The following CNTN5 variants were observed in gnomAD, a reference collection of about 807,000 sequenced individuals.
CNTN5 encodes contactin 5, also known as contactin-5.
Under a neutral mutation model 129.1 loss-of-function variants are expected in CNTN5, and 77 were observed. The observed-to-expected ratio is 0.60, with a 90% CI of 0.50 to 0.72. The LOEUF (loss-of-function observed/expected upper bound fraction) is 0.72. Among genes scored for constraint, CNTN5 ranks in the 30% least tolerant of loss-of-function variants. The probability of loss-of-function intolerance (pLI) is 0.00; values close to 1 mark genes in which losing one functional copy is unlikely to be tolerated. For missense variants in CNTN5, 1,478 were observed against 1,328.8 expected (o/e 1.11, Z -1.75); for synonymous variants, 509 against 465.6 (o/e 1.09, Z -1.20).
At chr11:99,203,769 T>C (rs1346629544) in intron 1 of CNTN5, among the ~76,000 whole-genome samples, 1 of 152,070 alleles carries the variant, frequency 6.6e-6, no homozygotes, top group Non-Finnish European at 1.5e-5. Flanking sequence ...GGCTAATTTT[T>C]TGTATTTTTA....
chr11:100,270,271 G>A (rs1335255013), intron 17 of CNTN5, among the ~76,000 whole-genome samples: 3 of 152,100 alleles, frequency 2.0e-5, no homozygotes, highest in Non-Finnish European at 4.4e-5. Context: ...ACCTTGCTGT[G>A]GTAAAAACAG....
intron 13 of CNTN5, among the ~76,000 whole-genome samples, chr11:100,110,633 C>T (rs1292736071): frequency 6.6e-6 from 1 of 152,096 alleles, no homozygotes; most frequent in Non-Finnish European, 1.5e-5. Context: ...ATAATAGAAA[C>T]TATAATTGTC....
At chr11:100,264,391 C>T (rs1023872319) in intron 17 of CNTN5, among the ~76,000 whole-genome samples, 2 of 151,968 alleles carry the variant, frequency 1.3e-5, no homozygotes, top group African/African-American at 2.4e-5. Context: ...CTCCCCTCAT[C>T]CCCTGACAGA....
intron 3 of CNTN5, among the ~76,000 whole-genome samples, chr11:99,750,619 G>A (rs1944200206): frequency 6.6e-6 from 1 of 151,966 alleles, no homozygotes; most frequent in Non-Finnish European, 1.5e-5. Flanking sequence ...GTTTTCCCAG[G>A]AAGACAGAGT....
intron 3 of CNTN5, among the ~76,000 whole-genome samples, chr11:99,780,727 G>A (rs1279525637): frequency 1.3e-5 from 2 of 152,012 alleles, no homozygotes; most frequent in Non-Finnish European, 2.9e-5. Context: ...TTCAAATCTA[G>A]AGTAAAATTA....
intron 1 of CNTN5, among the ~76,000 whole-genome samples, chr11:99,115,416 A>G (rs1315371085): frequency 1.3e-5 from 2 of 152,194 alleles, no homozygotes; most frequent in Non-Finnish European, 2.9e-5. Context: ...GAGGTAAAAT[A>G]TAAATTAGAA....
At chr11:100,045,754 C>T (rs1284597697) in intron 9 of CNTN5, among the ~76,000 whole-genome samples, 3 of 148,104 alleles carry the variant, frequency 2.0e-5, no homozygotes, top group South Asian at 2.2e-4. Flanking sequence ...TAGAAATCTA[C>T]TAGAGATGCC....
At chr11:99,132,443 AG>A (rs1368457755) in intron 1 of CNTN5, among the ~76,000 whole-genome samples, 2 of 152,194 alleles carry the variant, frequency 1.3e-5, no homozygotes, top group African/African-American at 4.8e-5. Flanking sequence ...ATATTTAAAT[AG>A]GAAGAGAGGA....
At chr11:99,491,037 T>G (rs1230623951) in intron 2 of CNTN5, among the ~76,000 whole-genome samples, 2 of 152,072 alleles carry the variant, frequency 1.3e-5, no homozygotes, top group Non-Finnish European at 2.9e-5. Flanking sequence ...ATATTCCAGA[T>G]AGCACAGCAC....
chr11:99,905,550 G>A (rs1408482086), intron 6 of CNTN5, among the ~76,000 whole-genome samples: 2 of 152,156 alleles, frequency 1.3e-5, no homozygotes, highest in Non-Finnish European at 2.9e-5. Context: ...TAGCCTTGTA[G>A]TATAGTTTAA....
chr11:99,943,497 G>T (rs1950488318), intron 7 of CNTN5, among the ~76,000 whole-genome samples: 1 of 152,080 alleles, frequency 6.6e-6, no homozygotes, highest in Admixed American at 6.6e-5. Flanking sequence ...TGTTCACTGT[G>T]ATGATAGTTT....
intron 3 of CNTN5, among the ~76,000 whole-genome samples, chr11:99,811,748 G>T (rs1403767819): frequency 6.6e-6 from 1 of 151,896 alleles, no homozygotes; most frequent in East Asian, 1.9e-4. Context: ...GGAATTTCAT[G>T]GTGTGAGAGC....
At chr11:100,048,069 T>C (rs1193596309) in intron 9 of CNTN5, among the ~76,000 whole-genome samples, 1 of 152,006 alleles carries the variant, frequency 6.6e-6, no homozygotes, top group East Asian at 1.9e-4. Flanking sequence ...GGGCGGAGCT[T>C]GCAGTGAGTC....
chr11:99,608,778 T>C lies in CNTN5; in HGVS notation c.55+52509T>C, dbSNP rs77365382. Among the ~76,000 whole-genome samples the C allele has an allele frequency of 6.8e-4, 103 of 152,300 alleles. No homozygotes were observed. The East Asian group carries it at 0.02, about 29-fold the overall frequency. On this transcript the variant is annotated intron_variant, in intron 3 of 24. Transcript: ENST00000524871. ...CAGGCAGTAAACTTAATCATCTAGC[T>C]TTCCATTCTTCTAGTTCACATATGT... is the stretch of plus-strand genomic sequence containing the variant.
chr11:99,115,090 C>T (rs903430161), intron 1 of CNTN5, among the ~76,000 whole-genome samples: 3 of 152,122 alleles, frequency 2.0e-5, no homozygotes, highest in Non-Finnish European at 4.4e-5. Context: ...AATCTGCTGA[C>T]ACCTTTAGAT....
rs144173589 is a variant in CNTN5, at chr11:99,076,429, A to G, written c.-210+55159A>G. On this transcript the variant is annotated intron_variant, in intron 1 of 24. Coordinates refer to ENST00000524871, the MANE Select transcript of CNTN5 (RefSeq NM_014361.4). The stretch of plus-strand genomic sequence containing the variant: ...GTGCTGTCTTAACACTCCCAAATAT[A>G]TAGAAACATGAAAACCACAAATACA... 4.2e-3 allele frequency among the ~76,000 whole-genome samples: 636 copies of G among 152,226 alleles called. 3 individuals are homozygous for G. Among genetic ancestry groups the G allele is most frequent in the African/African-American group, 0.014 (593 of 41,554 alleles).
At chr11:100,030,790 A>C (rs1941667509) in intron 9 of CNTN5, among the ~76,000 whole-genome samples, 1 of 152,206 alleles carries the variant, frequency 6.6e-6, no homozygotes, top group Admixed American at 6.5e-5. Context: ...TGTGAAAATT[A>C]AATGATATAT....
At chr11:99,440,026 C>T (rs1251090869) in intron 2 of CNTN5, among the ~76,000 whole-genome samples, 1 of 152,020 alleles carries the variant, frequency 6.6e-6, no homozygotes, top group Non-Finnish European at 1.5e-5. Context: ...TGATTGAATA[C>T]CATAATGAAT....
chr11:99,358,255 A>ATTTTT lies in CNTN5; in HGVS notation c.-71+32787_-71+32791dup, dbSNP rs1186386021. 8.5e-4 allele frequency among the ~76,000 whole-genome samples: 40 copies of ATTTTT among 46,922 alleles called. 6 individuals are homozygous for ATTTTT. The highest frequency in any genetic ancestry group is 3.5e-3 in the South Asian group (3 of 850). The allele number at this position is 46,922 out of a possible 152,430, so 30.8% of individuals were successfully genotyped here. A position where few individuals can be genotyped will look rare whatever the true frequency, so the allele number is the denominator to read the frequency against. On this transcript the variant is annotated intron_variant, in intron 2 of 24. Transcript: ENST00000524871. ...AGGCGCCCGCCACCACGCCCTGCTG[A>ATTTTT]TTTTTTTTTTTTTTTTTTTTAGTAG...
Sources: gnomAD v4.1 joint callset for allele counts (sites outside exome capture counted in the v4.1 genomes callset) on GRCh38, gnomAD v4.1.1 for gene constraint, MANE v1.5 for transcripts, NCBI Gene and HGNC (gene_info 2026-07-23, HGNC 2026-07-21) for gene names.